The following ABCB5 variants were observed in gnomAD, a reference collection of about 807,000 sequenced individuals.
ABCB5 encodes ATP-binding cassette sub-family B member 5.
ABCB5 carries 155 observed loss-of-function variants against 144.2 expected under a neutral mutation model. The ratio of observed to expected loss-of-function variants is 1.08; its 90% CI spans 0.94 to 1.23. The LOEUF is 1.23. Ranked by LOEUF, ABCB5 falls within the 50% of genes most tolerant of loss-of-function variation. ABCB5 has a pLI of 0.00. For missense variants in ABCB5, 1,830 were observed against 1,520.8 expected (o/e 1.20, Z -3.38); for synonymous variants, 610 against 528.6 (o/e 1.15, Z -2.11).
At chr7:20,669,063 C>T (rs1255445919) in intron 14 of ABCB5, among the ~76,000 whole-genome samples, 4 of 15,858 alleles carry the variant, frequency 2.5e-4, no homozygotes, top group South Asian at 2.3e-3. Context: ...AAGTGAGGAG[C>T]CCCTCTGCCT....
chr7:20,688,539 A>G (rs952536533), intron 16 of ABCB5, among the ~76,000 whole-genome samples: 4 of 152,220 alleles, frequency 2.6e-5, no homozygotes, highest in African/African-American at 7.2e-5. Context: ...AACTAGTTCA[A>G]CCATTGTGGA....
At chr7:20,715,452 C>T (rs944644845) in intron 20 of ABCB5, among the ~76,000 whole-genome samples, 1 of 151,990 alleles carries the variant, frequency 6.6e-6, no homozygotes, top group South Asian at 2.1e-4. Flanking sequence ...ACTCTGTCAC[C>T]CAAGTTAGAG....
intron 4 of ABCB5, among the ~76,000 whole-genome samples, chr7:20,631,781 T>C (rs1451290358): frequency 6.6e-6 from 1 of 152,184 alleles, no homozygotes; most frequent in Admixed American, 6.6e-5. Context: ...CTGATTGTTG[T>C]CTGATCAGAG....
rs777303677 is a variant in ABCB5, at chr7:20,647,973, C to T, written c.1101C>T (p.Pro367=). The part of the protein sequence containing the change: ...FHIFQVIDKK[P]SIDNFSTAGY... ...ATTTCCTTTGTTTTTCCAAGAAACC[C>T]AGTATAGATAACTTTTCCACAGCTG... The change falls in exon 11 of 28, where the codon CCC becomes CCT. Residue 367 remains proline (P), a synonymous_variant. Coordinates refer to ENST00000404938, the MANE Select transcript of ABCB5 (RefSeq NM_001163941.2). 5.7e-6 allele frequency: 9 copies of T among 1,581,212 alleles called. No homozygotes were observed. The highest frequency in any genetic ancestry group is 7.0e-6 in the Non-Finnish European group (8 of 1,150,778).
chr7:20,701,024 A>G (rs886931298), intron 19 of ABCB5, among the ~76,000 whole-genome samples: 2 of 152,188 alleles, frequency 1.3e-5, no homozygotes, highest in Admixed American at 1.3e-4. Flanking sequence ...TACAAAACGG[A>G]AAGAAGCAAG....
At chr7:20,652,421 T>C (rs148276030) in intron 13 of ABCB5, among the ~76,000 whole-genome samples, 27 of 152,046 alleles carry the variant, frequency 1.8e-4, no homozygotes, top group African/African-American at 5.5e-4. Flanking sequence ...GACAAAAAAA[T>C]TAGCTGGGTG....
At chr7:20,745,820 A>G (rs1297174180) in intron 26 of ABCB5, among the ~76,000 whole-genome samples, 1 of 152,170 alleles carries the variant, frequency 6.6e-6, no homozygotes, top group Non-Finnish European at 1.5e-5. Flanking sequence ...TTAAAAACAA[A>G]TTAGATCCTA....
intron 14 of ABCB5, chr7:20,666,828 G>A (rs994868500): frequency 4.5e-6 from 7 of 1,560,496 alleles, no homozygotes; most frequent in African/African-American, 1.4e-5. Flanking sequence ...TGGAACCACA[G>A]TGGTATGAAT....
At chr7:20,624,658 T>C (rs73076557) in intron 2 of ABCB5, among the ~76,000 whole-genome samples, 2 of 152,286 alleles carry the variant, frequency 1.3e-5, no homozygotes, top group South Asian at 2.1e-4. Flanking sequence ...AGGATTCCTA[T>C]TAGGTGGAGG....
At chr7:20,751,662 C>T (rs1350486121) in intron 26 of ABCB5, among the ~76,000 whole-genome samples, 2 of 152,146 alleles carry the variant, frequency 1.3e-5, no homozygotes, top group Non-Finnish European at 2.9e-5. Flanking sequence ...GCTACGAGCT[C>T]ATTATCATTC....
intron 5 of ABCB5, among the ~76,000 whole-genome samples, chr7:20,638,850 C>A (rs530965919): frequency 6.6e-6 from 1 of 152,098 alleles, no homozygotes; most frequent in Non-Finnish European, 1.5e-5. Context: ...TGTGAACATA[C>A]GTTTTTATTA....
Position 20,733,492 on chromosome 7 carries a change from C to T in ABCB5, c.2867+5037C>T, listed in dbSNP as rs562434536. Among the ~76,000 whole-genome samples the T allele has an allele frequency of 5.9e-5, 9 of 152,076 alleles. No individual in the cohort carries two copies. In the South Asian group the frequency reaches 1.9e-3, roughly 32 times the overall value. Reference sequence around the variant, plus strand: ...CTAGATACATAAGCATTTTAACTATCAGAACATATGAAGGACTGTTAACAT... The same window carrying T: ...CTAGATACATAAGCATTTTAACTATTAGAACATATGAAGGACTGTTAACAT... On this transcript the variant is annotated intron_variant, in intron 23 of 27. Transcript: ENST00000404938.
chr7:20,710,387 G>GA lies in ABCB5; in HGVS notation c.2421+5580_2421+5581insA, dbSNP rs1457323851. Among the ~76,000 whole-genome samples, 4 of 119,512 alleles carry GA rather than the reference G, an allele frequency of 3.3e-5. 2 individuals are homozygous for GA. The allele number at this position is 119,512 out of a possible 152,430, so 78.4% of individuals were successfully genotyped here. A position where few individuals can be genotyped will look rare whatever the true frequency, so the allele number is the denominator to read the frequency against. ...CACCTCAAAAAAAAAAAAAAGTGGGGGGGGGGCATGACTGTGTTTCAATAA... is the reference window on the plus strand; with the variant it reads ...CACCTCAAAAAAAAAAAAAAGTGGGGAGGGGGGCATGACTGTGTTTCAATAA... On this transcript the variant is annotated intron_variant, in intron 20 of 27. Transcript: ENST00000404938.
intron 14 of ABCB5, among the ~76,000 whole-genome samples, chr7:20,668,581 G>C (rs1785310927): frequency 6.8e-6 from 1 of 147,094 alleles, no homozygotes; most frequent in Non-Finnish European, 1.5e-5. Flanking sequence ...ACCCCGTCCG[G>C]GAGGGAGGTG....
At position 20,643,601 on chromosome 7, in the gene ABCB5, T is replaced by C. The variant is rs772869205; in HGVS notation, c.647T>C (p.Leu216Pro). 2.5e-6 allele frequency: 4 copies of C among 1,614,000 alleles called. No individual in the cohort carries two copies. The highest frequency in any genetic ancestry group is 3.4e-6 in the Non-Finnish European group (4 of 1,179,890). ...LTLVTLSTSPLIMASAAACSR... is the reference protein window; with the variant it reads ...LTLVTLSTSPPIMASAAACSR... ...CTAGTGACTCTATCCACGTCTCCTC[T>C]TATAATGGCTTCAGCGGCAGCATGT... is the stretch of plus-strand genomic sequence containing the variant. Residue 216 changes from leucine to proline, a missense_variant, in exon 7 of 28, where the codon CTT becomes CCT. Transcript: ENST00000404938.
Position 20,647,596 on chromosome 7 carries a change from C to A in ABCB5, c.1043C>A (p.Thr348Asn). The change falls in exon 10 of 28, where the codon ACC (threonine) becomes AAC (asparagine). Residue 348 changes from threonine to asparagine, a missense_variant. Coordinates refer to ENST00000404938, the MANE Select transcript of ABCB5 (RefSeq NM_001163941.2). Reference sequence around the variant, plus strand: ...GGAGCAGCAGTCCCTCACTTTGAAACCTTCGCAATAGCCCGAGGAGCTGCC... The same window carrying A: ...GGAGCAGCAGTCCCTCACTTTGAAAACTTCGCAATAGCCCGAGGAGCTGCC... ...CIGAAVPHFE[T>N]FAIARGAAFH... 1 of 1,589,814 alleles carries A rather than the reference C, an allele frequency of 6.3e-7. No homozygotes were observed. Among genetic ancestry groups the A allele is most frequent in the Non-Finnish European group, 8.6e-7 (1 of 1,166,736 alleles).
At chr7:20,644,431 A>G (rs1293898175) in intron 7 of ABCB5, among the ~76,000 whole-genome samples, 1 of 152,208 alleles carries the variant, frequency 6.6e-6, no homozygotes, top group African/African-American at 2.4e-5. Flanking sequence ...TTCTGCTAAT[A>G]TCTATTTTTA....
At chr7:20,706,530 T>C (rs10950828) in intron 20 of ABCB5, among the ~76,000 whole-genome samples, 39,435 of 152,152 alleles carry the variant, frequency 0.26, 5,426 homozygotes, top group Admixed American at 0.29. Flanking sequence ...GTCAACCTGA[T>C]TATAAGCACC....
chr7:20,709,002 A>G (rs1301136345), intron 20 of ABCB5, among the ~76,000 whole-genome samples: 1 of 152,246 alleles, frequency 6.6e-6, no homozygotes, highest in East Asian at 1.9e-4. Flanking sequence ...TCAAAAAACC[A>G]GCAACTGAGC....
Sources: gnomAD v4.1 joint callset for allele counts (sites outside exome capture counted in the v4.1 genomes callset) on GRCh38, gnomAD v4.1.1 for gene constraint, MANE v1.5 for transcripts, NCBI Gene and HGNC (gene_info 2026-07-23, HGNC 2026-07-21) for gene names.